MARCHF5: variants seen among roughly 807,000 people sequenced by gnomAD.
MARCHF5 encodes the protein E3 ubiquitin-protein ligase MARCHF5.
Under a neutral mutation model 36.5 loss-of-function variants are expected in MARCHF5, and 5 were observed. That is an observed-to-expected ratio of 0.14 (90% CI 0.07 to 0.29). The LOEUF is 0.29. Among genes scored for constraint, MARCHF5 ranks in the 10% least tolerant of loss-of-function variants. MARCHF5 has a pLI of 1.00. For synonymous variants in MARCHF5, 103 were observed against 109.9 expected, an observed-to-expected ratio of 0.94 and a Z score of 0.39; for missense variants, 179 against 336.3, an observed-to-expected ratio of 0.53 and a Z score of 3.66.
chr10:92,332,497 G>A (rs1032351658), intron 2 of MARCHF5, among the ~76,000 whole-genome samples: 22 of 148,258 alleles, frequency 1.5e-4, no homozygotes, highest in African/African-American at 2.7e-4. Context: ...CTTTACTATC[G>A]CATTAGGATT....
intron 1 of MARCHF5, among the ~76,000 whole-genome samples, chr10:92,301,210 G>C (rs541776629): frequency 6.6e-6 from 1 of 152,038 alleles, no homozygotes; most frequent in Non-Finnish European, 1.5e-5. Flanking sequence ...TTTACATGCC[G>C]TAGTTCACAT....
chr10:92,321,439 T>C (rs1416671155), intron 2 of MARCHF5, among the ~76,000 whole-genome samples: 1 of 152,096 alleles, frequency 6.6e-6, no homozygotes, highest in East Asian at 1.9e-4. Context: ...CGCCTGGGGT[T>C]CCTGGGATAA....
At chr10:92,344,247 G>C (rs1303164610) in intron 3 of MARCHF5, among the ~76,000 whole-genome samples, 5 of 152,242 alleles carry the variant, frequency 3.3e-5, no homozygotes, top group Middle Eastern at 3.4e-3. Context: ...CTGGAGAACA[G>C]TTACAGGTTA....
chr10:92,308,539 C>T (rs945849594), intron 1 of MARCHF5: 4 of 152,144 alleles, frequency 2.6e-5, no homozygotes, highest in African/African-American at 4.8e-5. Flanking sequence ...TCAATCAAGA[C>T]GGAGTTGCTC....
chr10:92,310,201 T>C (rs1843127272), intron 1 of MARCHF5, among the ~76,000 whole-genome samples: 1 of 152,170 alleles, frequency 6.6e-6, no homozygotes, highest in Non-Finnish European at 1.5e-5. Flanking sequence ...ACTTATCCAA[T>C]TAATTAAAAA....
chr10:92,320,050 CA>C (rs1334567687), intron 2 of MARCHF5, among the ~76,000 whole-genome samples: 1 of 149,218 alleles, frequency 6.7e-6, no homozygotes, highest in Admixed American at 6.7e-5. Flanking sequence ...CAGCTTACTG[CA>C]AAAAAAATTT....
chr10:92,350,960 G>A (rs1843707837), intron 5 of MARCHF5, 131 bp from the exon 6 acceptor site: 1 of 614,726 alleles, frequency 1.6e-6, no homozygotes, highest in Non-Finnish European at 2.9e-6. Flanking sequence ...AAAGAAAACT[G>A]TTTCATTTGC....
intron 3 of MARCHF5, among the ~76,000 whole-genome samples, chr10:92,349,137 G>C (rs1843689044): frequency 6.6e-6 from 1 of 151,998 alleles, no homozygotes; most frequent in Non-Finnish European, 1.5e-5. Flanking sequence ...ATTCCTGTGT[G>C]GTATGAAATG....
intron 2 of MARCHF5, among the ~76,000 whole-genome samples, chr10:92,329,171 C>T (rs1428667181): frequency 6.6e-6 from 1 of 152,078 alleles, no homozygotes; most frequent in Non-Finnish European, 1.5e-5. Context: ...TAGAATTTTG[C>T]TGGGTATTGC....
At chr10:92,310,293 A>G (rs1384696570) in intron 1 of MARCHF5, among the ~76,000 whole-genome samples, 1 of 152,196 alleles carries the variant, frequency 6.6e-6, no homozygotes, top group Non-Finnish European at 1.5e-5. Flanking sequence ...GAAGGGTCTC[A>G]TTGAATTGAA....
At chr10:92,338,803 A>G (rs934300484) in intron 2 of MARCHF5, among the ~76,000 whole-genome samples, 1 of 152,210 alleles carries the variant, frequency 6.6e-6, no homozygotes, top group Non-Finnish European at 1.5e-5. Flanking sequence ...TGTATAGGGA[A>G]AATAAACAGT....
intron 2 of MARCHF5, among the ~76,000 whole-genome samples, chr10:92,326,901 TTC>T (rs1169134827): frequency 2.0e-5 from 3 of 152,152 alleles, no homozygotes; most frequent in Non-Finnish European, 4.4e-5. Flanking sequence ...TGAAAAGTCT[TTC>T]TACTATGTCT....
At chr10:92,341,018 T>A (rs1843572048) in intron 3 of MARCHF5, among the ~76,000 whole-genome samples, 1 of 152,232 alleles carries the variant, frequency 6.6e-6, no homozygotes, top group African/African-American at 2.4e-5. Context: ...TCATTTCATA[T>A]AAGTATGCAG....
intron 2 of MARCHF5, among the ~76,000 whole-genome samples, chr10:92,340,122 G>A (rs1342949786): frequency 2.6e-5 from 4 of 152,116 alleles, no homozygotes; most frequent in Non-Finnish European, 5.9e-5. Context: ...TCTAATTGTT[G>A]CCAGGAATTT....
intron 3 of MARCHF5, 146 bp downstream of exon 3, chr10:92,340,949 T>C (rs1843571041): frequency 2.8e-6 from 2 of 719,060 alleles, no homozygotes; most frequent in South Asian, 2.9e-5. Context: ...ACTTTTTCTT[T>C]ACCCAAAAAG....
At chr10:92,298,345 C>G (rs375157159) in intron 1 of MARCHF5, among the ~76,000 whole-genome samples, 2 of 152,262 alleles carry the variant, frequency 1.3e-5, no homozygotes, top group African/African-American at 4.8e-5. Flanking sequence ...CACTTACTCA[C>G]TCTCTTTCCT....
intron 1 of MARCHF5, among the ~76,000 whole-genome samples, chr10:92,303,706 T>C (rs946807375): frequency 6.6e-6 from 1 of 152,230 alleles, no homozygotes; most frequent in Non-Finnish European, 1.5e-5. Context: ...TTAAACTGTT[T>C]ATAAATTTTA....
intron 2 of MARCHF5, among the ~76,000 whole-genome samples, chr10:92,326,636 A>G (rs1342835229): frequency 6.6e-6 from 1 of 152,194 alleles, no homozygotes; most frequent in Non-Finnish European, 1.5e-5. Context: ...AGACAAGTGT[A>G]TTGCCAAAAA....
At chr10:92,294,572 C>A (rs1311860730) in intron 1 of MARCHF5, among the ~76,000 whole-genome samples, 1 of 152,190 alleles carries the variant, frequency 6.6e-6, no homozygotes, top group Non-Finnish European at 1.5e-5. Flanking sequence ...ACCCAGAATT[C>A]TTTTCATGAA....
Sources: allele counts gnomAD v4.1 joint callset (sites outside exome capture counted in the v4.1 genomes callset), GRCh38; gene constraint gnomAD v4.1.1; transcripts MANE v1.5; gene names NCBI Gene and HGNC (gene_info 2026-07-23, HGNC 2026-07-21).